PPP1R9B: variants seen among roughly 807,000 people sequenced by gnomAD.
PPP1R9B encodes the protein neurabin-2.
A neutral mutation model predicts 75.8 loss-of-function variants in PPP1R9B; 17 were observed. The ratio of observed to expected loss-of-function variants is 0.22; its 90% CI spans 0.15 to 0.34. The LOEUF is 0.34. Among genes scored for constraint, PPP1R9B ranks in the 10% least tolerant of loss-of-function variants. The pLI is 1.00. For missense variants in PPP1R9B, 875 were observed against 1,196.0 expected (o/e 0.73, Z 3.96); for synonymous variants, 509 against 535.4 (o/e 0.95, Z 0.68).
In PPP1R9B at chr17:50,138,153, CGTGTGTGTGTGTGTGTGTGTGTGTGT is replaced by C. The variant is rs58489923; in HGVS notation, c.2073+1084_2073+1109del. Among the ~76,000 whole-genome samples the C allele has an allele frequency of 5.5e-5, 8 of 146,422 alleles. No homozygotes were observed. The East Asian group carries it at 8.3e-4, about 15-fold the overall frequency. ...CTTGTGTAAGCATCTGTGTATACTA[CGTGTGTGTGTGTGTGTGTGTGTGTGT>C]GTGTGTGTGTGTGTGTGCCACGTGT... On this transcript the variant is annotated intron_variant, in intron 7 of 9. Transcript: ENST00000612501.
rs1040789965 is a variant in PPP1R9B, at chr17:50,142,188, TC to T, written c.1626-816del. Among the ~76,000 whole-genome samples, 16 of 152,216 alleles carry T rather than the reference TC, an allele frequency of 1.1e-4. No homozygotes were observed. Among genetic ancestry groups the T allele is most frequent in the Admixed American group, 3.9e-4 (6 of 15,288 alleles). ...GTTCTCCATACAAGGGGAGGTTCAG[TC>T]TGGCCTGCTGAGGGAGATGGAGGGT... is the stretch of plus-strand genomic sequence containing the variant. On this transcript the variant is annotated intron_variant, in intron 3 of 9. Coordinates refer to ENST00000612501, the MANE Select transcript of PPP1R9B (RefSeq NM_032595.5). This position sits in a 1 kb window ranked among gnomAD's most constrained non-coding sequence, Gnocchi z 4.1.
intron 1 of PPP1R9B, among the ~76,000 whole-genome samples, chr17:50,145,808 G>A (rs916812507): frequency 6.6e-6 from 1 of 152,070 alleles, no homozygotes; most frequent in African/African-American, 2.4e-5. Flanking sequence ...ACCCAGGACT[G>A]GCTCTGACTT....
At chr17:50,146,248 C>T (rs1409028589) in intron 1 of PPP1R9B, 1 of 152,294 alleles carries the variant, frequency 6.6e-6, no homozygotes, top group Non-Finnish European at 1.5e-5. Flanking sequence ...TGGGCCCAGG[C>T]AGGGGTGCCC....
At chr17:50,148,249 C>A (rs938715694) in intron 1 of PPP1R9B, among the ~76,000 whole-genome samples, 1 of 152,222 alleles carries the variant, frequency 6.6e-6, no homozygotes, top group African/African-American at 2.4e-5. Context: ...GGGGATGAGA[C>A]CCCCAAAAGG....
At chr17:50,140,651 C>A (rs1912351565) in intron 4 of PPP1R9B, among the ~76,000 whole-genome samples, 1 of 152,204 alleles carries the variant, frequency 6.6e-6, no homozygotes, top group Non-Finnish European at 1.5e-5. Context: ...ATGATGGCAA[C>A]TGGAGATTAG....
At chr17:50,140,576 A>C (rs1912349696) in intron 4 of PPP1R9B, among the ~76,000 whole-genome samples, 2 of 152,198 alleles carry the variant, frequency 1.3e-5, no homozygotes. Flanking sequence ...CCCTCCCAGC[A>C]GGGATGGGCT....
chr17:50,149,678 G>A lies in PPP1R9B; in HGVS notation c.836C>T (p.Pro279Leu). The A allele has an allele frequency of 6.8e-7, 1 of 1,474,550 alleles. No homozygotes were observed. Among genetic ancestry groups the A allele is most frequent in the South Asian group, 1.3e-5 (1 of 74,594 alleles). 91.3% of individuals were successfully genotyped at this position (1,474,550 alleles called of 1,614,324 possible). Residue 279 changes from proline to leucine, a missense_variant, in exon 1 of 10, where the codon CCG (proline) becomes CTG (leucine). Transcript: ENST00000612501. The surrounding 1 kb of genome is among the most constrained non-coding windows in gnomAD (Gnocchi z 7.2). ...KERCPAGQQP[P>L]QHRVAPARPP... ...CCGGGCAGGGGCCACTCGGTGCTGC[G>A]GGGGCTGCTGCCCTGCGGGGCATCG...
In PPP1R9B at chr17:50,145,208, C is replaced by A; in HGVS notation, c.1409G>T (p.Arg470Leu). 1 of 1,613,926 alleles carries A rather than the reference C, an allele frequency of 6.2e-7. No individual in the cohort carries two copies. Among genetic ancestry groups the A allele is most frequent in the Non-Finnish European group, 8.5e-7 (1 of 1,179,878 alleles). The change falls in exon 2 of 10, where the codon CGC becomes CTC. Residue 470 changes from arginine (R) to leucine (L), a missense_variant. Physicochemically the swap from Arg to Leu is moderately radical, Grantham distance 102. Transcript: ENST00000612501. ...STYSNEDYDR[R>L]NEDVDPMAAS... ...TGCCATGGGATCCACATCCTCGTTG[C>A]GACGATCGTAATCCTCGTTGGAGTA...
At chr17:50,145,531 A>C (rs986898464) in intron 1 of PPP1R9B, among the ~76,000 whole-genome samples, 4 of 152,188 alleles carry the variant, frequency 2.6e-5, no homozygotes, top group Non-Finnish European at 5.9e-5. Flanking sequence ...ATAGGCACAG[A>C]AGGGGAATCC....
chr17:50,140,960 G>T (rs553961829), intron 4 of PPP1R9B, among the ~76,000 whole-genome samples: 11 of 152,166 alleles, frequency 7.2e-5, no homozygotes, highest in Non-Finnish European at 1.6e-4. Flanking sequence ...GGACGTCCTG[G>T]TTCTTCAGTC....
At chr17:50,141,149 T>G in intron 4 of PPP1R9B, 120 bp downstream of exon 4, 3 of 646,512 alleles carry the variant, frequency 4.6e-6, no homozygotes, top group Non-Finnish European at 5.3e-6. Flanking sequence ...AGCCAAGGAG[T>G]CAGCAGAACC....
Position 50,135,536 on chromosome 17 carries a change from G to A in PPP1R9B, c.2400+17C>T. On this transcript the variant is annotated intron_variant, in intron 9 of 9. Coordinates refer to ENST00000612501, the MANE Select transcript of PPP1R9B (RefSeq NM_032595.5). ...CTCCCTCCACTGGGCCCTGCCCACA[G>A]GGCGCCCCAGGCCCACCTTGTCCAG... is the stretch of plus-strand genomic sequence containing the variant. 1.2e-6 allele frequency: 2 copies of A among 1,606,714 alleles called. No homozygotes were observed. The highest frequency in any genetic ancestry group is 2.7e-5 in the African/African-American group (2 of 74,810).
At chr17:50,136,384 A>C (rs1389581942) in intron 7 of PPP1R9B, among the ~76,000 whole-genome samples, 187 bp from the exon 8 acceptor site, 1 of 152,138 alleles carries the variant, frequency 6.6e-6, no homozygotes, top group Non-Finnish European at 1.5e-5. Flanking sequence ...AGTAGAGCTC[A>C]GCCTCAGAGC....
At position 50,139,246 on chromosome 17, in the gene PPP1R9B, C is replaced by T. The variant is rs1470418222; in HGVS notation, c.2073+17G>A. ...ACACATGCACGCACGCAAAAGCACA[C>T]ACATACGCACCCTTACCTTTCTTTT... is the stretch of plus-strand genomic sequence containing the variant. On this transcript the variant is annotated intron_variant, in intron 7 of 9. Transcript: ENST00000612501. This position sits in a 1 kb window ranked among gnomAD's most constrained non-coding sequence, Gnocchi z 5.0. The T allele has an allele frequency of 6.2e-7, 1 of 1,614,062 alleles. No homozygotes were observed. The highest frequency in any genetic ancestry group is 8.5e-7 in the Non-Finnish European group (1 of 1,179,890).
chr17:50,138,108 G>A (rs1354424904), intron 7 of PPP1R9B, among the ~76,000 whole-genome samples: 2 of 152,184 alleles, frequency 1.3e-5, no homozygotes, highest in Non-Finnish European at 2.9e-5. Context: ...ATGCCTGTGA[G>A]GGTGCTGGCA....
At chr17:50,135,801 T>TG in intron 8 of PPP1R9B, 152 bp from the exon 9 acceptor site, 1 of 877,250 alleles carries the variant, frequency 1.1e-6, no homozygotes, top group East Asian at 2.6e-5. Context: ...TCTGGGGGTC[T>TG]GGCTCTGTGC....
At chr17:50,140,857 G>C (rs1370841391) in intron 4 of PPP1R9B, among the ~76,000 whole-genome samples, 1 of 152,172 alleles carries the variant, frequency 6.6e-6, no homozygotes, top group East Asian at 1.9e-4. Context: ...TTACAGGCCT[G>C]GGGCGGAGTC....
At chr17:50,141,396 G>A (rs767752859) in intron 3 of PPP1R9B, 23 bp from the exon 4 acceptor site, 1 of 1,507,984 alleles carries the variant, frequency 6.6e-7, no homozygotes, top group Non-Finnish European at 9.0e-7. Context: ...CATTGGTTAA[G>A]GGGTCACAGG....
Position 50,149,930 on chromosome 17 carries a change from G to A in PPP1R9B, c.584C>T (p.Ala195Val). 1 of 1,511,708 alleles carries A rather than the reference G, an allele frequency of 6.6e-7. No homozygotes were observed. The highest frequency in any genetic ancestry group is 2.7e-5 in the East Asian group (1 of 36,444). The allele number at this position is 1,511,708 out of a possible 1,614,324, so 93.6% of individuals were successfully genotyped here. The change falls in exon 1 of 10, where the codon GCG becomes GTG. Residue 195 changes from alanine to valine, a missense_variant. By Grantham distance (64) the Ala-to-Val change is moderately conservative. Transcript: ENST00000612501. The surrounding 1 kb of genome is among the most constrained non-coding windows in gnomAD (Gnocchi z 7.2). Reference sequence around the variant, plus strand: ...GGCGTCAGCGTCCAGCTTGTCCAGCGCCTCGGTGCTGCCGTTGAAGCGCAC... The same window carrying A: ...GGCGTCAGCGTCCAGCTTGTCCAGCACCTCGGTGCTGCCGTTGAAGCGCAC... ...VVVRFNGSTE[A>V]LDKLDADAVS... is the part of the protein sequence containing the mutation.
Sources: gnomAD v4.1 joint callset for allele counts (sites outside exome capture counted in the v4.1 genomes callset) on GRCh38, gnomAD v4.1.1 for gene constraint, Gnocchi (gnomAD v3.1) non-coding constraint, MANE v1.5 for transcripts, NCBI Gene and HGNC (gene_info 2026-07-23, HGNC 2026-07-21) for gene names.